Variants in RNF144A observed in about 807,000 individuals in gnomAD.
The protein encoded by RNF144A is E3 ubiquitin-protein ligase RNF144A.
Under a neutral mutation model 38.7 loss-of-function variants are expected in RNF144A, and 11 were observed. The ratio of observed to expected loss-of-function variants is 0.28; its 90% CI spans 0.18 to 0.47. RNF144A has a LOEUF of 0.47. Among genes scored for constraint, RNF144A ranks in the 20% least tolerant of loss-of-function variants. The probability of loss-of-function intolerance (pLI) is 0.99; values close to 1 mark genes in which losing one functional copy is unlikely to be tolerated. For synonymous variants in RNF144A, 149 were observed against 143.9 expected (o/e 1.04, Z -0.25); for missense variants, 316 against 377.2 (o/e 0.84, Z 1.34).
chr2:7,036,861 A>G (rs1353228855), intron 8 of RNF144A, among the ~76,000 whole-genome samples: 2 of 152,186 alleles, frequency 1.3e-5, no homozygotes, highest in Non-Finnish European at 2.9e-5. Context: ...GTCAGTTTCA[A>G]CTGGCTCGTC....
chr2:6,946,216 A>G (rs762196867), intron 2 of RNF144A, among the ~76,000 whole-genome samples: 40 of 152,228 alleles, frequency 2.6e-4, no homozygotes, highest in Non-Finnish European at 4.3e-4. Flanking sequence ...ATGCATATAC[A>G]TTCATTAAAG....
chr2:6,938,348 A>G (rs921837218), intron 1 of RNF144A, among the ~76,000 whole-genome samples: 9 of 150,028 alleles, frequency 6.0e-5, no homozygotes, highest in Admixed American at 4.7e-4. Context: ...CCTGCGTTCA[A>G]GCGATTCTCC....
chr2:7,055,681 C>A (rs1188776668), intron 6 of RNF144A, among the ~76,000 whole-genome samples: 1 of 152,198 alleles, frequency 6.6e-6, no homozygotes, highest in East Asian at 1.9e-4. Flanking sequence ...TTTATTAAGT[C>A]TGCACTTTCC....
At chr2:6,990,473 AAT>A (rs1183033630) in intron 2 of RNF144A, among the ~76,000 whole-genome samples, 13 of 72,578 alleles carry the variant, frequency 1.8e-4, no homozygotes, top group African/African-American at 7.6e-4. Context: ...TATAACATAT[AAT>A]ATATATAGCA....
intron 2 of RNF144A, among the ~76,000 whole-genome samples, chr2:6,992,260 C>T (rs971614059): frequency 1.6e-4 from 24 of 152,240 alleles, no homozygotes; most frequent in African/African-American, 5.5e-4. Context: ...TGTGCCGCCC[C>T]ACCCACCTCC....
At chr2:7,074,026 C>G in the RNF144A span, among the ~76,000 whole-genome samples, 2 of 152,206 alleles carry the variant, frequency 1.3e-5, no homozygotes, top group African/African-American at 4.8e-5. Flanking sequence ...GAGCCCTTGC[C>G]CTATCCTCAA....
chr2:6,972,812 G>A (rs1187647311), intron 2 of RNF144A, among the ~76,000 whole-genome samples: 1 of 152,212 alleles, frequency 6.6e-6, no homozygotes, highest in Non-Finnish European at 1.5e-5. Flanking sequence ...ATCTGGCAAA[G>A]CAGAAGATCC....
chr2:7,027,304 C>T (rs935987350), intron 7 of RNF144A, among the ~76,000 whole-genome samples: 1 of 152,238 alleles, frequency 6.6e-6, no homozygotes, highest in African/African-American at 2.4e-5. Context: ...TTGCTATTTA[C>T]TGTAAAAAGG....
intron 2 of RNF144A, chr2:6,978,898 G>A (rs1668462598): frequency 6.5e-6 from 1 of 152,720 alleles, no homozygotes; most frequent in Non-Finnish European, 1.5e-5. Context: ...TCCAGCAAAG[G>A]GATGGAGCAC....
intron 2 of RNF144A, among the ~76,000 whole-genome samples, chr2:6,947,482 ATAAAG>A (rs1666413136): frequency 6.6e-6 from 1 of 152,238 alleles, no homozygotes; most frequent in Non-Finnish European, 1.5e-5. Context: ...GTTCAGAGAG[ATAAAG>A]GAATGCTATA....
chr2:7,009,234 C>T (rs537614621), intron 3 of RNF144A, among the ~76,000 whole-genome samples: 185 of 152,306 alleles, frequency 1.2e-3, no homozygotes, highest in Non-Finnish European at 1.3e-3. Context: ...TAGTATTTGC[C>T]GGGGCCTTAC....
intron 2 of RNF144A, among the ~76,000 whole-genome samples, chr2:6,951,058 TA>T (rs1310705113): frequency 1.6e-4 from 24 of 152,342 alleles, no homozygotes; most frequent in African/African-American, 5.1e-4. Context: ...TAGGGCCTTA[TA>T]TTTAATATAT....
chr2:7,038,175 AG>A (rs977386515), intron 8 of RNF144A, among the ~76,000 whole-genome samples: 1 of 152,336 alleles, frequency 6.6e-6, no homozygotes, highest in African/African-American at 2.4e-5. Context: ...CAGGAAGGAC[AG>A]GGGGCCAGGT....
At chr2:7,025,602 G>T (rs545608506) in intron 7 of RNF144A, among the ~76,000 whole-genome samples, 38 of 152,242 alleles carry the variant, frequency 2.5e-4, no homozygotes, top group African/African-American at 8.9e-4. Flanking sequence ...AACCTGGGAG[G>T]CGCAGGTTGC....
chr2:7,037,399 C>G (rs1672750406), intron 8 of RNF144A, among the ~76,000 whole-genome samples: 1 of 152,202 alleles, frequency 6.6e-6, no homozygotes, highest in Non-Finnish European at 1.5e-5. Context: ...TCAAGACTGA[C>G]AGTTGTGTGC....
intron 3 of RNF144A, among the ~76,000 whole-genome samples, chr2:7,008,938 T>C (rs1360820648): frequency 2.0e-5 from 3 of 152,218 alleles, no homozygotes; most frequent in African/African-American, 7.2e-5. Context: ...TACTGCTAAC[T>C]TCCCACCTGG....
intron 2 of RNF144A, among the ~76,000 whole-genome samples, chr2:6,985,212 G>T (rs1451754226): frequency 6.7e-6 from 1 of 149,888 alleles, no homozygotes; most frequent in African/African-American, 2.5e-5. Flanking sequence ...ACTTCCCCAG[G>T]TTTCTTTGAA....
At chr2:6,966,471 T>C (rs1271382414) in intron 2 of RNF144A, among the ~76,000 whole-genome samples, 1 of 152,218 alleles carries the variant, frequency 6.6e-6, no homozygotes, top group African/African-American at 2.4e-5. Context: ...CGTCACCCAC[T>C]TTGGTCTTCC....
chr2:7,021,416 G>T (rs1264633582), intron 6 of RNF144A, among the ~76,000 whole-genome samples: 1 of 152,046 alleles, frequency 6.6e-6, no homozygotes, highest in Non-Finnish European at 1.5e-5. Context: ...CCCAGCTCCT[G>T]TTCCTTTCCG....
Sources: allele counts gnomAD v4.1 joint callset (sites outside exome capture counted in the v4.1 genomes callset), GRCh38; gene constraint gnomAD v4.1.1; transcripts MANE v1.5; gene names NCBI Gene and HGNC (gene_info 2026-07-23, HGNC 2026-07-21).